Variants in LRRC4C observed in about 807,000 individuals in gnomAD.
LRRC4C encodes leucine-rich repeat-containing protein 4C.
LRRC4C carries 5 observed loss-of-function variants against 33.6 expected under a neutral mutation model. The ratio of observed to expected loss-of-function variants is 0.15; its 90% CI spans 0.08 to 0.31. The LOEUF (loss-of-function observed/expected upper bound fraction) is 0.31. Ranked by LOEUF, LRRC4C falls within the 10% of genes least tolerant of loss-of-function variation. The probability of loss-of-function intolerance (pLI) is 1.00; values close to 1 mark genes in which losing one functional copy is unlikely to be tolerated. For synonymous variants in LRRC4C, 329 were observed against 302.0 expected (o/e 1.09, Z -0.93); for missense variants, 560 against 796.7 (o/e 0.70, Z 3.58).
intron 3 of LRRC4C, among the ~76,000 whole-genome samples, chr11:40,584,630 G>A (rs1341429069): frequency 6.6e-6 from 1 of 151,970 alleles, no homozygotes; most frequent in East Asian, 1.9e-4. Flanking sequence ...TATAATATCA[G>A]GCAGAAACAT....
intron 1 of LRRC4C, among the ~76,000 whole-genome samples, chr11:40,960,664 G>A (rs1592195194): frequency 6.6e-6 from 1 of 151,846 alleles, no homozygotes; most frequent in Non-Finnish European, 1.5e-5. Context: ...GGTCATCCAA[G>A]CCAGATAATT....
chr11:40,239,040 GTCTCTGCTTTTGC>G lies in LRRC4C; in HGVS notation c.-96+2466_-96+2478del, dbSNP rs1444844855. Among the ~76,000 whole-genome samples, 27 of 152,120 alleles carry G rather than the reference GTCTCTGCTTTTGC, an allele frequency of 1.8e-4. 1 individual carries two copies. The highest frequency in any genetic ancestry group is 3.2e-4 in the Non-Finnish European group (22 of 68,010). On this transcript the variant is annotated intron_variant, in intron 5 of 6. Coordinates refer to ENST00000528697, the MANE Select transcript of LRRC4C (RefSeq NM_001258419.2). ...TACTACTTAAATTACTCTAACCTAT[GTCTCTGCTTTTGC>G]TCTCTGTTTACAAACCTACAACATG...
At chr11:41,406,567 A>G (rs1468389048) in intron 1 of LRRC4C, among the ~76,000 whole-genome samples, 3 of 152,098 alleles carry the variant, frequency 2.0e-5, no homozygotes, top group Non-Finnish European at 2.9e-5. Flanking sequence ...CACTCTGCAC[A>G]GTACATATGA....
chr11:40,189,904 A>G (rs1427112234), intron 5 of LRRC4C, among the ~76,000 whole-genome samples: 1 of 152,240 alleles, frequency 6.6e-6, no homozygotes, highest in African/African-American at 2.4e-5. Context: ...TATTATTTAT[A>G]ACAACTAGCC....
intron 2 of LRRC4C, among the ~76,000 whole-genome samples, chr11:40,841,615 T>G (rs1212122479): frequency 6.6e-6 from 1 of 152,182 alleles, no homozygotes; most frequent in Non-Finnish European, 1.5e-5. Context: ...AGAAACTGAA[T>G]CTGCTGTCAC....
Position 40,755,334 on chromosome 11 carries a change from G to C in LRRC4C, c.-406-107056C>G, listed in dbSNP as rs185196854. 2.0e-5 allele frequency among the ~76,000 whole-genome samples: 3 copies of C among 152,138 alleles called. No individual in the cohort carries two copies. In the East Asian group the frequency reaches 5.8e-4, roughly 29 times the overall value. The stretch of plus-strand genomic sequence containing the variant: ...AGAGAGTACTAGAGAGACAGTAATT[G>C]TCACCACTTTACAGATAATAAAAGT... On this transcript the variant is annotated intron_variant, in intron 2 of 6. Transcript: ENST00000528697.
intron 2 of LRRC4C, among the ~76,000 whole-genome samples, chr11:40,722,249 G>A (rs1209764473): frequency 1.3e-5 from 2 of 152,060 alleles, no homozygotes; most frequent in Non-Finnish European, 2.9e-5. Context: ...TTAAATAATA[G>A]TTTTATGGAC....
chr11:41,271,816 A>G (rs1949330357), intron 1 of LRRC4C, among the ~76,000 whole-genome samples: 1 of 152,136 alleles, frequency 6.6e-6, no homozygotes, highest in African/African-American at 2.4e-5. Context: ...ATGAAAGCAT[A>G]GCATCATCAT....
intron 3 of LRRC4C, among the ~76,000 whole-genome samples, chr11:40,580,508 C>G (rs1470286315): frequency 6.6e-6 from 1 of 152,166 alleles, no homozygotes; most frequent in African/African-American, 2.4e-5. Context: ...CAAACCATAT[C>G]AGCTACTGAC....
intron 5 of LRRC4C, among the ~76,000 whole-genome samples, chr11:40,201,377 C>A (rs1008407414): frequency 6.6e-6 from 1 of 151,920 alleles, no homozygotes. Context: ...GTTTTTAAGC[C>A]CTTTTTTTGA....
At chr11:40,363,482 C>T (rs12790530) in intron 3 of LRRC4C, among the ~76,000 whole-genome samples, 17,289 of 151,596 alleles carry the variant, frequency 0.11, 1,194 homozygotes, top group East Asian at 0.3. Context: ...CTGTGGGTGA[C>T]GAAATAATCT....
At chr11:40,183,928 G>A (rs1861209670) in intron 5 of LRRC4C, among the ~76,000 whole-genome samples, 1 of 152,202 alleles carries the variant, frequency 6.6e-6, no homozygotes, top group Non-Finnish European at 1.5e-5. Flanking sequence ...AGAGTTGAGT[G>A]TCAGAGGGTC....
chr11:40,121,889 C>A (rs953610248), intron 6 of LRRC4C, among the ~76,000 whole-genome samples: 2 of 152,104 alleles, frequency 1.3e-5, no homozygotes, highest in African/African-American at 4.8e-5. Flanking sequence ...CTTAACAAAC[C>A]TCCCTAAACA....
chr11:40,954,443 A>G (rs371268290), intron 1 of LRRC4C, among the ~76,000 whole-genome samples: 2 of 151,850 alleles, frequency 1.3e-5, no homozygotes, highest in African/African-American at 2.4e-5. Flanking sequence ...CATGGCTCCA[A>G]TCATAAAGAC....
At chr11:40,219,195 T>C (rs895087524) in intron 5 of LRRC4C, among the ~76,000 whole-genome samples, 3 of 152,176 alleles carry the variant, frequency 2.0e-5, no homozygotes, top group Admixed American at 6.5e-5. Context: ...AAACTTAAAA[T>C]TGAGTCCTTT....
intron 1 of LRRC4C, among the ~76,000 whole-genome samples, chr11:41,245,293 C>T (rs951091014): frequency 3.9e-5 from 6 of 152,142 alleles, no homozygotes; most frequent in Non-Finnish European, 5.9e-5. Flanking sequence ...GCAGGCTGCA[C>T]GCAGTTCATG....
At chr11:40,552,038 A>C (rs1185958966) in intron 3 of LRRC4C, among the ~76,000 whole-genome samples, 6 of 152,252 alleles carry the variant, frequency 3.9e-5, no homozygotes, top group Admixed American at 3.3e-4. Context: ...AAGTAATTCT[A>C]TCAGCAGACT....
At chr11:40,307,941 A>G (rs753761706) in intron 4 of LRRC4C, among the ~76,000 whole-genome samples, 1 of 152,230 alleles carries the variant, frequency 6.6e-6, no homozygotes, top group Non-Finnish European at 1.5e-5. Flanking sequence ...CTCTTTGCAC[A>G]TGTAGGAACA....
chr11:41,251,490 C>T (rs1278202871), intron 1 of LRRC4C, among the ~76,000 whole-genome samples: 1 of 152,206 alleles, frequency 6.6e-6, no homozygotes. Context: ...TTTCCCCTTG[C>T]TTATCACTTA....
Sources: allele counts gnomAD v4.1 joint callset (sites outside exome capture counted in the v4.1 genomes callset), GRCh38; gene constraint gnomAD v4.1.1; transcripts MANE v1.5; gene names NCBI Gene and HGNC (gene_info 2026-07-23, HGNC 2026-07-21).